BAX: variants seen among roughly 807,000 people sequenced by gnomAD.
BAX encodes the protein apoptosis regulator BAX.
BAX carries 21 observed loss-of-function variants against 26.8 expected under a neutral mutation model. The observed-to-expected ratio is 0.78, with a 90% CI of 0.56 to 1.13. The LOEUF (loss-of-function observed/expected upper bound fraction) is 1.13, where lower values mean the gene tolerates loss of function less well. BAX is among the 50% of genes most tolerant of loss of function. The pLI is 0.00. For missense variants in BAX, 236 were observed against 254.6 expected, an observed-to-expected ratio of 0.93 and a Z score of 0.50; for synonymous variants, 110 against 101.8, an observed-to-expected ratio of 1.08 and a Z score of -0.49.
intron 4 of BAX, among the ~76,000 whole-genome samples, chr19:48,958,539 TCTTTC>T (rs1257426470): frequency 2.6e-4 from 9 of 35,188 alleles, no homozygotes; most frequent in South Asian, 4.2e-3. Context: ...TTTCTTTCTT[TCTTTC>T]TTTTTTTTTT....
At chr19:48,957,297 CAG>C (rs1297535442) in intron 4 of BAX, among the ~76,000 whole-genome samples, 1 of 58,716 alleles carries the variant, frequency 1.7e-5, no homozygotes, top group Non-Finnish European at 3.1e-5. Flanking sequence ...TTTTTTGAGA[CAG>C]AGTCTCACTT....
rs564479404 is a variant in BAX at position 48,956,414 on chromosome 19, T to A, written c.369+81T>A. ...CCTGGGGATCGTGGTATCAACCCCC[T>A]GCAGTGGCCCAGTGACCACAGAGGG... On this transcript the variant is annotated intron_variant, in intron 4 of 5. Coordinates refer to ENST00000345358, the MANE Select transcript of BAX (RefSeq NM_138761.4). 8 of 1,419,140 alleles carry A rather than the reference T, an allele frequency of 5.6e-6. 1 individual carries two copies. In the East Asian group the frequency reaches 2.1e-4, roughly 38 times the overall value. 87.9% of individuals were successfully genotyped at this position (1,419,140 alleles called of 1,614,324 possible).
intron 4 of BAX, 139 bp downstream of exon 4, chr19:48,956,472 G>A: frequency 1.0e-6 from 1 of 960,492 alleles, no homozygotes; most frequent in East Asian, 3.1e-5. Context: ...CTGGGTGTCT[G>A]CTCCTTCTTT....
Position 48,954,950 on chromosome 19 carries a change from C to A in BAX, c.22C>A (p.Pro8Thr). 8.0e-7 allele frequency: 1 copy of A among 1,246,226 alleles called. No homozygotes were observed. Among genetic ancestry groups the A allele is most frequent in the Non-Finnish European group, 1.0e-6 (1 of 993,980 alleles). 77.2% of individuals were successfully genotyped at this position (1,246,226 alleles called of 1,614,324 possible). Residue 8 changes from proline to threonine, a missense_variant, in exon 1 of 6, where the codon CCC becomes ACC. Pro to Thr is a conservative substitution (Grantham distance 38). Transcript: ENST00000345358. Reference sequence around the variant, plus strand: ...GGTGATGGACGGGTCCGGGGAGCAGCCCAGAGGCGGGGGTGAGGCGGGAGG... The same window carrying A: ...GGTGATGGACGGGTCCGGGGAGCAGACCAGAGGCGGGGGTGAGGCGGGAGG... MDGSGEQ[P>T]RGGGPTSSEQ...
intron 5 of BAX, chr19:48,961,199 G>A: frequency 2.0e-6 from 3 of 1,489,852 alleles, no homozygotes; most frequent in Non-Finnish European, 1.8e-6. Flanking sequence ...AGCCTCCACT[G>A]CCTCTGGAAT....
chr19:48,955,114 C>G (rs1410294052), intron 1 of BAX, 152 bp downstream of exon 1: 1 of 931,328 alleles, frequency 1.1e-6, no homozygotes, highest in Non-Finnish European at 1.4e-6. Flanking sequence ...CCCCTCCGTC[C>G]TCGGAGGTTC....
chr19:48,958,744 C>T (rs1020267897), intron 4 of BAX, among the ~76,000 whole-genome samples: 28 of 151,354 alleles, frequency 1.8e-4, no homozygotes, highest in African/African-American at 6.8e-4. Context: ...GGGGTTTCAC[C>T]ATGTTGGCCA....
In BAX at chr19:48,956,279, C is replaced by T; in HGVS notation, c.315C>T (p.Phe105=). Residue 105 remains phenylalanine, a synonymous_variant, in exon 4 of 6, where the codon TTC becomes TTT. Transcript: ENST00000345358. The stretch of plus-strand genomic sequence containing the variant: ...CTGACATGTTTTCTGACGGCAACTT[C>T]AACTGGGGCCGGGTTGTCGCCCTTT... ...VAADMFSDGN[F]NWGRVVALFY... is the part of the protein sequence containing the mutation. 1 of 1,591,316 alleles carries T rather than the reference C, an allele frequency of 6.3e-7. No homozygotes were observed. Among genetic ancestry groups the T allele is most frequent in the Non-Finnish European group, 8.5e-7 (1 of 1,169,598 alleles).
intron 1 of BAX, 57 bp downstream of exon 1, chr19:48,955,019 G>C: frequency 8.1e-7 from 1 of 1,241,340 alleles, no homozygotes; most frequent in African/African-American, 1.5e-5. Context: ...GGCCCGTCCG[G>C]GATCCTTCCT....
Position 48,956,325 on chromosome 19 carries a change from G to A in BAX, c.361G>A (p.Val121Met). 1 of 1,566,912 alleles carries A rather than the reference G, an allele frequency of 6.4e-7. No homozygotes were observed. Among genetic ancestry groups the A allele is most frequent in the Non-Finnish European group, 8.6e-7 (1 of 1,156,524 alleles). Residue 121 changes from valine (V) to methionine (M), a missense_variant, in exon 4 of 6, where the codon GTG becomes ATG. By Grantham distance (21) the Val-to-Met change is conservative (BLOSUM62 1). Transcript: ENST00000345358. ...VALFYFASKL[V>M]LKALCTKVPE... is the part of the protein sequence containing the mutation. The stretch of plus-strand genomic sequence containing the variant: ...CCTTTTCTACTTTGCCAGCAAACTG[G>A]TGCTCAAGGTGGGCAGCTGCAGGGC...
intron 4 of BAX, among the ~76,000 whole-genome samples, chr19:48,959,019 G>A (rs766900855): frequency 7.9e-5 from 12 of 152,024 alleles, no homozygotes; most frequent in Non-Finnish European, 1.5e-4. Context: ...AGAGCAGGTC[G>A]GGGTCCATGG....
At position 48,956,288 on chromosome 19, in the gene BAX, C is replaced by A. The variant is rs1164032365; in HGVS notation, c.324C>A (p.Gly108=). ...DMFSDGNFNW[G]RVVALFYFAS... Reference sequence around the variant, plus strand: ...TTTCTGACGGCAACTTCAACTGGGGCCGGGTTGTCGCCCTTTTCTACTTTG... The same window carrying A: ...TTTCTGACGGCAACTTCAACTGGGGACGGGTTGTCGCCCTTTTCTACTTTG... Residue 108 remains glycine (G), a synonymous_variant, in exon 4 of 6, where the codon GGC becomes GGA. Coordinates refer to ENST00000345358, the MANE Select transcript of BAX (RefSeq NM_138761.4). The A allele has an allele frequency of 3.8e-6, 6 of 1,590,276 alleles. No homozygotes were observed. The highest frequency in any genetic ancestry group is 2.7e-5 in the African/African-American group (2 of 73,236).
intron 4 of BAX, among the ~76,000 whole-genome samples, chr19:48,958,345 A>ATTTTTTTT (rs34043541): frequency 9.3e-5 from 6 of 64,474 alleles, no homozygotes; most frequent in African/African-American, 3.5e-4. Flanking sequence ...TTTTTGGAAG[A>ATTTTTTTT]TTTTTTTTTT....
At chr19:48,961,062 G>C (rs757248443) in intron 5 of BAX, 148 bp downstream of exon 5, 1 of 1,608,932 alleles carries the variant, frequency 6.2e-7, no homozygotes, top group African/African-American at 1.3e-5. Context: ...CAGATCATCA[G>C]ATGTGGTCTA....
At chr19:48,960,078 G>A (rs1255975786) in intron 4 of BAX, among the ~76,000 whole-genome samples, 2 of 151,942 alleles carry the variant, frequency 1.3e-5, no homozygotes. Context: ...CTGCACACAG[G>A]GCTTGTGGGC....
chr19:48,955,649 C>T lies in BAX; in HGVS notation c.87-38C>T, dbSNP rs201536708. 11 of 1,612,562 alleles carry T rather than the reference C, an allele frequency of 6.8e-6. No homozygotes were observed. The African/African-American group carries it at 1.3e-4, about 20-fold the overall frequency. Reference sequence around the variant, plus strand: ...GGCACAGATTTGAGGAGTGACACCCCGTTCTGATTCTGCACCCTCACTCCA... The same window carrying T: ...GGCACAGATTTGAGGAGTGACACCCTGTTCTGATTCTGCACCCTCACTCCA... On this transcript the variant is annotated intron_variant, in intron 2 of 5. Transcript: ENST00000345358.
At position 48,961,657 on chromosome 19, in the gene BAX, T is replaced by C. The variant is rs1440177566; in HGVS notation, c.*21T>C. 6.4e-7 allele frequency: 1 copy of C among 1,556,294 alleles called. No individual in the cohort carries two copies. Among genetic ancestry groups the C allele is most frequent in the Non-Finnish European group, 8.7e-7 (1 of 1,143,910 alleles). ...GCTGAGGCCCCCAGCTGCCTTGGAC[T>C]GTGTTTTTCCTCCATAAATTATGGC... On this transcript the variant is annotated 3_prime_UTR_variant, in exon 6 of 6. Transcript: ENST00000345358.
chr19:48,956,444 G>A, intron 4 of BAX, 111 bp downstream of exon 4: 2 of 1,217,280 alleles, frequency 1.6e-6, no homozygotes, highest in Non-Finnish European at 2.2e-6. Context: ...AGAGGGCATG[G>A]AGAGAGATGG....
At chr19:48,957,650 A>G (rs966982970) in intron 4 of BAX, among the ~76,000 whole-genome samples, 3 of 152,120 alleles carry the variant, frequency 2.0e-5, no homozygotes, top group Non-Finnish European at 4.4e-5. Context: ...ACAAGACCTG[A>G]TTTATAACTT....
Sources: gnomAD v4.1 joint callset for allele counts (sites outside exome capture counted in the v4.1 genomes callset) on GRCh38, gnomAD v4.1.1 for gene constraint, MANE v1.5 for transcripts, NCBI Gene and HGNC (gene_info 2026-07-23, HGNC 2026-07-21) for gene names.